Variants in CSMD3 observed in about 807,000 individuals in gnomAD.
CSMD3 encodes CUB and Sushi multiple domains 3, also known as CUB and sushi domain-containing protein 3.
In CSMD3, 177 loss-of-function variants were observed where a neutral mutation model predicts 435.2. That is an observed-to-expected ratio of 0.41 (90% confidence interval 0.36 to 0.46). The LOEUF is 0.46. Ranked by LOEUF, CSMD3 falls within the 20% of genes least tolerant of loss-of-function variation. The probability of loss-of-function intolerance (pLI) is 0.34; values close to 1 mark genes in which losing one functional copy is unlikely to be tolerated. For synonymous variants in CSMD3, 1,656 were observed against 1,520.5 expected (o/e 1.09, Z -2.07); for missense variants, 4,265 against 4,504.6 (o/e 0.95, Z 1.52).
At chr8:113,021,834 C>A (rs1248494434) in intron 5 of CSMD3, among the ~76,000 whole-genome samples, 1 of 152,060 alleles carries the variant, frequency 6.6e-6, no homozygotes, top group Non-Finnish European at 1.5e-5. Flanking sequence ...TGAGGTGGAG[C>A]AAATAATGAT....
chr8:112,423,848 G>A (rs979055497), intron 32 of CSMD3, among the ~76,000 whole-genome samples: 1 of 152,062 alleles, frequency 6.6e-6, no homozygotes, highest in Non-Finnish European at 1.5e-5. Flanking sequence ...TTGTCCCAAA[G>A]CTTTTATATA....
intron 2 of CSMD3, 78 bp from the exon 3 acceptor site, chr8:113,278,782 T>TA (rs1025213918): frequency 1.6e-5 from 12 of 740,138 alleles, no homozygotes; most frequent in Middle Eastern, 2.6e-4. Flanking sequence ...AAGTCATATT[T>TA]AAAAAAAATA....
chr8:113,436,601 A>C (rs1163349042), intron 1 of CSMD3, 76 bp downstream of exon 1: 2 of 1,329,244 alleles, frequency 1.5e-6, no homozygotes, highest in Non-Finnish European at 1.1e-6. Flanking sequence ...ATTGCAAAGT[A>C]AGCTGCCAGC....
intron 66 of CSMD3, 79 bp downstream of exon 66, chr8:112,241,641 T>C: frequency 2.2e-6 from 2 of 908,830 alleles, no homozygotes; most frequent in Non-Finnish European, 3.6e-6. Flanking sequence ...ATTTTTTAAA[T>C]ACACAGTTAC....
intron 11 of CSMD3, among the ~76,000 whole-genome samples, chr8:112,837,212 A>G (rs2080051876): frequency 6.6e-6 from 1 of 151,788 alleles, no homozygotes; most frequent in Non-Finnish European, 1.5e-5. Context: ...ATTTCATGGT[A>G]AAGTCTGTAT....
At chr8:112,620,795 A>C (rs1413988570) in intron 22 of CSMD3, among the ~76,000 whole-genome samples, 2 of 152,194 alleles carry the variant, frequency 1.3e-5, no homozygotes, top group Non-Finnish European at 1.5e-5. Context: ...CCGGGATCAC[A>C]CCTTAATTTT....
At chr8:112,632,727 G>T (rs2074550128) in intron 22 of CSMD3, among the ~76,000 whole-genome samples, 1 of 151,922 alleles carries the variant, frequency 6.6e-6, no homozygotes, top group South Asian at 2.1e-4. Context: ...TTTAGAAAAA[G>T]AAATCATGTA....
intron 4 of CSMD3, among the ~76,000 whole-genome samples, chr8:113,153,554 CA>C (rs1000886273): frequency 1.2e-4 from 18 of 152,058 alleles, no homozygotes; most frequent in Non-Finnish European, 2.5e-4. Flanking sequence ...ACAAATGATT[CA>C]GAGGCAATCT....
chr8:112,905,481 G>A (rs1239137658), intron 10 of CSMD3, among the ~76,000 whole-genome samples: 1 of 151,204 alleles, frequency 6.6e-6, no homozygotes, highest in Non-Finnish European at 1.5e-5. Flanking sequence ...TTTTAAGGTT[G>A]TTCTTACATC....
intron 32 of CSMD3, among the ~76,000 whole-genome samples, chr8:112,457,548 T>A (rs1465735758): frequency 6.6e-6 from 1 of 152,088 alleles, no homozygotes; most frequent in African/African-American, 2.4e-5. Context: ...TATCACAAAT[T>A]TAAATGTTCA....
intron 3 of CSMD3, among the ~76,000 whole-genome samples, chr8:113,205,743 A>G (rs954789330): frequency 9.2e-5 from 14 of 152,186 alleles, no homozygotes; most frequent in African/African-American, 3.4e-4. Flanking sequence ...TCCCTCCTGT[A>G]AGGAAACACA....
chr8:113,177,775 T>C (rs2092368144), intron 3 of CSMD3, among the ~76,000 whole-genome samples: 1 of 151,986 alleles, frequency 6.6e-6, no homozygotes, highest in Non-Finnish European at 1.5e-5. Flanking sequence ...CATCTGGTTT[T>C]GGCTGGAAAT....
At position 112,237,209 on chromosome 8, in the gene CSMD3, G is replaced by T; in HGVS notation, c.10608C>A (p.Asn3536Lys). Residue 3536 changes from asparagine to lysine, a missense_variant, in exon 67 of 71, where the codon AAC (asparagine) becomes AAA (lysine). Around this residue, in one of 3 missense-constraint regions of CSMD3, gnomAD observed 3,255 missense variants for 3,380.2 expected, o/e 0.96. Coordinates refer to ENST00000297405, the MANE Select transcript of CSMD3 (RefSeq NM_198123.2). The stretch of plus-strand genomic sequence containing the variant: ...CGATACCTGAAAGTAGCAGCTCCAT[G>T]TTGCTATTGCTCAGTGTTGCGTTAA... ...GRVNATLSNSNMELLLSGVYK... is the reference protein window; with the variant it reads ...GRVNATLSNSKMELLLSGVYK... 3 of 1,613,566 alleles carry T rather than the reference G, an allele frequency of 1.9e-6. No homozygotes were observed. Among genetic ancestry groups the T allele is most frequent in the Non-Finnish European group, 2.5e-6 (3 of 1,179,622 alleles).
At chr8:113,083,720 A>T (rs2089651622) in intron 5 of CSMD3, among the ~76,000 whole-genome samples, 1 of 152,140 alleles carries the variant, frequency 6.6e-6, no homozygotes, top group Admixed American at 6.5e-5. Flanking sequence ...AAACAATTTA[A>T]AATTTTCAAT....
Position 112,689,954 on chromosome 8 carries a change from C to T in CSMD3, c.2069G>A (p.Cys690Tyr), listed in dbSNP as rs2131824496. 6.2e-7 allele frequency: 1 copy of T among 1,613,200 alleles called. No individual in the cohort carries two copies. The highest frequency in any genetic ancestry group is 8.5e-7 in the Non-Finnish European group (1 of 1,179,342). ...TCCAATTAATTCAAACCCAAACTGG[C>T]ATTCAAACCTTAAAACATCACGATT... ...FSNRDVLRFE[C>Y]QFGFELIGEK... The change falls in exon 14 of 71, where the codon TGC becomes TAC. Residue 690 changes from cysteine (C) to tyrosine (Y), a missense_variant. Cys to Tyr is a radical substitution (Grantham distance 194). This residue lies in a region of CSMD3 where 279 missense variants were observed against 369.0 expected (regional missense o/e 0.76). Transcript: ENST00000297405.
chr8:112,662,322 A>G (rs1456285197), intron 17 of CSMD3, among the ~76,000 whole-genome samples: 12 of 151,562 alleles, frequency 7.9e-5, no homozygotes, highest in Admixed American at 1.3e-4. Context: ...TACCAAAACA[A>G]AGATATAGAC....
intron 25 of CSMD3, among the ~76,000 whole-genome samples, chr8:112,555,788 C>T (rs944858432): frequency 5.9e-5 from 9 of 151,984 alleles, no homozygotes; most frequent in East Asian, 5.8e-4. Flanking sequence ...CATCAAAAAA[C>T]GACAGAAATA....
intron 13 of CSMD3, among the ~76,000 whole-genome samples, chr8:112,720,873 G>C (rs1002950406): frequency 6.6e-6 from 1 of 152,144 alleles, no homozygotes; most frequent in Non-Finnish European, 1.5e-5. Context: ...GAGGGAGAGA[G>C]TAATCTTCAA....
chr8:112,259,564 C>G (rs193286925), intron 61 of CSMD3, among the ~76,000 whole-genome samples: 2 of 152,018 alleles, frequency 1.3e-5, no homozygotes, highest in African/African-American at 4.8e-5. Flanking sequence ...CGTTCTTCAC[C>G]TGTACCCCAG....
Sources: gnomAD v4.1 joint callset for allele counts (sites outside exome capture counted in the v4.1 genomes callset) on GRCh38, gnomAD v4.1.1 for gene constraint, gnomAD v4.1.1 regional missense constraint, MANE v1.5 for transcripts, NCBI Gene and HGNC (gene_info 2026-07-23, HGNC 2026-07-21) for gene names.